RIMS2: variants seen among roughly 807,000 people sequenced by gnomAD.
RIMS2 encodes the protein regulating synaptic membrane exocytosis protein 2.
A neutral mutation model predicts 174.4 loss-of-function variants in RIMS2; 59 were observed. The observed-to-expected ratio is 0.34, with a 90% CI of 0.27 to 0.42. The LOEUF is 0.42. Ranked by LOEUF, RIMS2 falls within the 10% of genes least tolerant of loss-of-function variation. The pLI is 1.00. For synonymous variants in RIMS2, 606 were observed against 572.5 expected (o/e 1.06, Z -0.84); for missense variants, 1,620 against 1,666.3 (o/e 0.97, Z 0.48).
intron 14 of RIMS2, among the ~76,000 whole-genome samples, chr8:103,947,137 A>T (rs867431463): frequency 3.9e-5 from 6 of 152,362 alleles, no homozygotes; most frequent in Non-Finnish European, 7.4e-5. Context: ...AAGAGTTAAG[A>T]CTATAAAAGT....
chr8:103,814,009 C>A (rs2098703972), intron 3 of RIMS2, among the ~76,000 whole-genome samples: 1 of 152,080 alleles, frequency 6.6e-6, no homozygotes, highest in South Asian at 2.1e-4. Flanking sequence ...AAATGCCCAT[C>A]AATGGTAGAC....
intron 19 of RIMS2, among the ~76,000 whole-genome samples, chr8:104,228,529 G>A (rs1279965649): frequency 6.6e-6 from 1 of 152,122 alleles, no homozygotes. Context: ...CTCTTAAAGT[G>A]CAAACATCAT....
chr8:103,940,950 G>A (rs982739076), intron 13 of RIMS2, among the ~76,000 whole-genome samples: 1 of 151,440 alleles, frequency 6.6e-6, no homozygotes, highest in Non-Finnish European at 1.5e-5. Flanking sequence ...TAGGAGCAGA[G>A]ATTCTGGAGC....
At chr8:103,639,815 G>T (rs534404362) in intron 1 of RIMS2, among the ~76,000 whole-genome samples, 1 of 151,884 alleles carries the variant, frequency 6.6e-6, no homozygotes, top group Non-Finnish European at 1.5e-5. Context: ...CTAGAAAGTG[G>T]GATTGCTAGG....
chr8:103,936,912 G>A (rs996549214), intron 13 of RIMS2, among the ~76,000 whole-genome samples, 190 bp downstream of exon 15: 1 of 152,028 alleles, frequency 6.6e-6, no homozygotes, highest in African/African-American at 2.4e-5. Flanking sequence ...TGGCTAACAT[G>A]GTGAAACCCC....
At chr8:103,812,335 T>TTTTTC (rs2098692962) in intron 3 of RIMS2, among the ~76,000 whole-genome samples, 1 of 143,818 alleles carries the variant, frequency 7.0e-6, no homozygotes, top group Admixed American at 7.0e-5. Context: ...TACCTTGTTT[T>TTTTTC]TTTTTTTTTT....
At chr8:103,518,011 G>A (rs996744174) in intron 1 of RIMS2, among the ~76,000 whole-genome samples, 1 of 152,056 alleles carries the variant, frequency 6.6e-6, no homozygotes, top group Non-Finnish European at 1.5e-5. Flanking sequence ...TGGCCCGCGG[G>A]TTGGACAGGC....
chr8:103,912,831 G>T (rs1036413329), intron 6 of RIMS2, among the ~76,000 whole-genome samples: 44 of 152,008 alleles, frequency 2.9e-4, no homozygotes, highest in Non-Finnish European at 1.5e-5. Context: ...AATGAATAAA[G>T]AATATGCTGG....
chr8:104,035,576 A>G (rs1211470776), intron 19 of RIMS2, among the ~76,000 whole-genome samples: 1 of 151,780 alleles, frequency 6.6e-6, no homozygotes, highest in African/African-American at 2.4e-5. Context: ...AAAAGTAAAT[A>G]TTCAATTAAG....
chr8:103,533,689 GA>G (rs917448142), intron 1 of RIMS2, among the ~76,000 whole-genome samples: 2 of 139,138 alleles, frequency 1.4e-5, no homozygotes, highest in African/African-American at 2.6e-5. Context: ...AAAAGAAAAA[GA>G]AAAAAACCTG....
chr8:103,776,824 G>A (rs535663325), intron 3 of RIMS2, among the ~76,000 whole-genome samples: 1 of 152,228 alleles, frequency 6.6e-6, no homozygotes, highest in South Asian at 2.1e-4. Context: ...CATTTTATAA[G>A]TTAGCTGTGA....
chr8:104,213,588 A>G (rs1209799183), intron 19 of RIMS2, among the ~76,000 whole-genome samples: 3 of 152,122 alleles, frequency 2.0e-5, no homozygotes, highest in South Asian at 2.1e-4. Context: ...TAGAAAAGAA[A>G]TGAATGGGCC....
At chr8:103,595,740 A>T (rs2094456284) in intron 1 of RIMS2, among the ~76,000 whole-genome samples, 1 of 151,922 alleles carries the variant, frequency 6.6e-6, no homozygotes, top group African/African-American at 2.4e-5. Flanking sequence ...AATGGAAGAG[A>T]TGTAGTTGTT....
At chr8:103,903,171 T>G (rs1391294926) in intron 4 of RIMS2, among the ~76,000 whole-genome samples, 1 of 152,154 alleles carries the variant, frequency 6.6e-6, no homozygotes, top group East Asian at 1.9e-4. Context: ...CTCAGCAATC[T>G]GTTAGATATC....
At chr8:103,883,531 A>C (rs866455556) in intron 3 of RIMS2, among the ~76,000 whole-genome samples, 16 of 151,992 alleles carry the variant, frequency 1.1e-4, no homozygotes, top group Middle Eastern at 3.4e-3. Context: ...GTTTTATGTA[A>C]CAATTGTAAT....
intron 1 of RIMS2, among the ~76,000 whole-genome samples, chr8:103,655,689 G>A (rs1210695527): frequency 6.6e-6 from 1 of 152,094 alleles, no homozygotes; most frequent in African/African-American, 2.4e-5. Flanking sequence ...AAAGGGAAGA[G>A]TGTTTTAAGC....
intron 3 of RIMS2, among the ~76,000 whole-genome samples, chr8:103,771,595 T>A (rs1196083400): frequency 6.6e-6 from 1 of 152,124 alleles, no homozygotes; most frequent in Non-Finnish European, 1.5e-5. Context: ...CATAGTGTCA[T>A]CATTTCTAGA....
At chr8:104,128,855 G>C (rs913879649) in intron 19 of RIMS2, among the ~76,000 whole-genome samples, 1 of 152,088 alleles carries the variant, frequency 6.6e-6, no homozygotes, top group Non-Finnish European at 1.5e-5. Flanking sequence ...TTTAAATAGA[G>C]TGGCTAAATA....
chr8:103,915,850 C>T (rs2076542523), intron 7 of RIMS2, among the ~76,000 whole-genome samples: 1 of 151,572 alleles, frequency 6.6e-6, no homozygotes, highest in Non-Finnish European at 1.5e-5. Context: ...GTTTTGTTTC[C>T]CCTAAGACCT....
Sources: allele counts gnomAD v4.1 joint callset (sites outside exome capture counted in the v4.1 genomes callset), GRCh38; gene constraint gnomAD v4.1.1; transcripts MANE v1.5; gene names NCBI Gene and HGNC (gene_info 2026-07-23, HGNC 2026-07-21).